SLIT3: variants seen among roughly 807,000 people sequenced by gnomAD.
SLIT3 encodes the protein slit guidance ligand 3.
Under a neutral mutation model 184.0 loss-of-function variants are expected in SLIT3, and 68 were observed. The ratio of observed to expected loss-of-function variants is 0.37; its 90% CI spans 0.30 to 0.45. The LOEUF (loss-of-function observed/expected upper bound fraction) is 0.45. Ranked by LOEUF, SLIT3 falls within the 20% of genes least tolerant of loss-of-function variation. The pLI is 1.00. For missense variants in SLIT3, 1,707 were observed against 2,026.0 expected, an observed-to-expected ratio of 0.84 and a Z score of 3.02; for synonymous variants, 831 against 828.6, an observed-to-expected ratio of 1.00 and a Z score of -0.05.
At chr5:168,966,391 G>A (rs1187173413) in intron 4 of SLIT3, among the ~76,000 whole-genome samples, 11 of 151,666 alleles carry the variant, frequency 7.3e-5, no homozygotes. Flanking sequence ...GAAAGGCAAA[G>A]CTTTGGGACT....
At position 169,065,127 on chromosome 5, in the gene SLIT3, G is replaced by A. The variant is rs146668799; in HGVS notation, c.413+128352C>T. On this transcript the variant is annotated intron_variant, in intron 4 of 35. Coordinates refer to ENST00000519560, the MANE Select transcript of SLIT3 (RefSeq NM_003062.4). ...TCATATTAGTGGAAAGGTGCAAAGC[G>A]AAACCTGCAGATACCACCTAAAATG... Among the ~76,000 whole-genome samples, 5 of 152,290 alleles carry A rather than the reference G, an allele frequency of 3.3e-5. No individual in the cohort carries two copies. The East Asian group carries it at 5.8e-4, about 18-fold the overall frequency.
intron 4 of SLIT3, among the ~76,000 whole-genome samples, chr5:168,910,604 C>G (rs1383524406): frequency 6.6e-6 from 1 of 151,716 alleles, no homozygotes; most frequent in Non-Finnish European, 1.5e-5. Context: ...AAATTAGCCG[C>G]GTGTGGTGGC....
chr5:169,098,579 T>G (rs1759879586), intron 4 of SLIT3, among the ~76,000 whole-genome samples: 2 of 152,276 alleles, frequency 1.3e-5, no homozygotes, highest in Admixed American at 6.5e-5. Context: ...CAGACAGATG[T>G]CCCGTACAGT....
chr5:169,000,508 G>C (rs1755669653), intron 4 of SLIT3, among the ~76,000 whole-genome samples: 1 of 150,212 alleles, frequency 6.7e-6, no homozygotes, highest in African/African-American at 2.5e-5. Context: ...TACTCAAAGA[G>C]AAGAACAATA....
At chr5:168,762,473 C>T in intron 15 of SLIT3, 66 bp downstream of exon 15, 2 of 1,561,476 alleles carry the variant, frequency 1.3e-6, no homozygotes, top group Non-Finnish European at 1.8e-6. Flanking sequence ...GAGACCCTGC[C>T]CACGCTGGCT....
At chr5:169,229,468 TAA>T (rs1350656050) in intron 3 of SLIT3, among the ~76,000 whole-genome samples, 1 of 152,162 alleles carries the variant, frequency 6.6e-6, no homozygotes, top group Non-Finnish European at 1.5e-5. Flanking sequence ...CTATCAGACA[TAA>T]AAGACTATTA....
At chr5:169,140,593 C>T (rs1417681585) in intron 4 of SLIT3, among the ~76,000 whole-genome samples, 1 of 151,452 alleles carries the variant, frequency 6.6e-6, no homozygotes, top group African/African-American at 2.4e-5. Flanking sequence ...CACTTGAGGC[C>T]AGGAGTCTGA....
At chr5:168,755,578 G>A (rs377745104) in intron 16 of SLIT3, among the ~76,000 whole-genome samples, 100 of 151,892 alleles carry the variant, frequency 6.6e-4, no homozygotes, top group African/African-American at 2.3e-3. Context: ...GGGATTACAG[G>A]TGCCTGCCAC....
At chr5:169,160,886 C>T (rs1444030841) in intron 4 of SLIT3, among the ~76,000 whole-genome samples, 1 of 152,220 alleles carries the variant, frequency 6.6e-6, no homozygotes, top group African/African-American at 2.4e-5. Flanking sequence ...AGCTCTCTAA[C>T]ATGGCAATGG....
chr5:168,900,129 A>C (rs1760814375), intron 4 of SLIT3, among the ~76,000 whole-genome samples: 1 of 152,224 alleles, frequency 6.6e-6, no homozygotes, highest in African/African-American at 2.4e-5. Flanking sequence ...TAAAAAGTCA[A>C]AAAATAACAG....
chr5:169,078,518 C>T (rs967233091), intron 4 of SLIT3, among the ~76,000 whole-genome samples: 3 of 152,146 alleles, frequency 2.0e-5, no homozygotes, highest in Admixed American at 6.5e-5. Flanking sequence ...GCCAGTCTCC[C>T]GCAAACCCAG....
At chr5:168,892,420 G>T (rs555118581) in intron 4 of SLIT3, among the ~76,000 whole-genome samples, 2 of 152,128 alleles carry the variant, frequency 1.3e-5, no homozygotes, top group Non-Finnish European at 2.9e-5. Context: ...CTGTAGCTAC[G>T]CAGCATCTCA....
At chr5:169,247,451 T>C (rs1239749900) in intron 2 of SLIT3, among the ~76,000 whole-genome samples, 2 of 152,126 alleles carry the variant, frequency 1.3e-5, no homozygotes, top group Non-Finnish European at 2.9e-5. Context: ...GGACCAACTC[T>C]AGGGTATTGT....
At chr5:168,929,011 G>A (rs576730623) in intron 4 of SLIT3, among the ~76,000 whole-genome samples, 144 of 152,276 alleles carry the variant, frequency 9.5e-4, no homozygotes, top group African/African-American at 3.2e-3. Context: ...AAGTAATAAC[G>A]ATGATAATAT....
At chr5:168,931,879 A>T (rs768924565) in intron 4 of SLIT3, among the ~76,000 whole-genome samples, 14 of 152,092 alleles carry the variant, frequency 9.2e-5, no homozygotes, top group Non-Finnish European at 1.9e-4. Context: ...CTCCCTAGAG[A>T]TGTCTGTGTC....
rs1294548514 is a variant in SLIT3, at chr5:168,696,343, A to C, written c.3031T>G (p.Cys1011Gly). 1 of 1,614,186 alleles carries C rather than the reference A, an allele frequency of 6.2e-7. No individual in the cohort carries two copies. The highest frequency in any genetic ancestry group is 8.5e-7 in the Non-Finnish European group (1 of 1,180,026). Residue 1011 changes from cysteine (C) to glycine (G), a missense_variant, in exon 28 of 36, where the codon TGC becomes GGC. Transcript: ENST00000519560. ...EDNDCENNAT[C>G]VDGINNYVCI... ...ACGTAGTTGTTGATCCCGTCCACGC[A>C]GGTGGCATTGTTTTCGCAGTCGTTG...
At chr5:168,987,297 T>G (rs1252583432) in intron 4 of SLIT3, among the ~76,000 whole-genome samples, 1 of 152,188 alleles carries the variant, frequency 6.6e-6, no homozygotes, top group Non-Finnish European at 1.5e-5. Context: ...ACCAAGTTAA[T>G]CTCTCCCACA....
At chr5:169,251,970 C>A (rs573734221) in intron 1 of SLIT3, among the ~76,000 whole-genome samples, 1 of 152,324 alleles carries the variant, frequency 6.6e-6, no homozygotes, top group South Asian at 2.1e-4. Context: ...AGATGGTGCT[C>A]TCCTGTGAAT....
intron 22 of SLIT3, 118 bp from the exon 23 acceptor site, chr5:168,722,445 C>T: frequency 1.2e-6 from 1 of 838,910 alleles, no homozygotes; most frequent in East Asian, 2.7e-5. Context: ...GATATATTGA[C>T]AGAACATCCC....
Sources: gnomAD v4.1 joint callset for allele counts (sites outside exome capture counted in the v4.1 genomes callset) on GRCh38, gnomAD v4.1.1 for gene constraint, MANE v1.5 for transcripts, NCBI Gene and HGNC (gene_info 2026-07-23, HGNC 2026-07-21) for gene names.